Variants in SLC41A2 observed in about 807,000 individuals in gnomAD.
SLC41A2 encodes solute carrier family 41 member 2, also known as SLC41A1-like 1.
Under a neutral mutation model 58.3 loss-of-function variants are expected in SLC41A2, and 32 were observed. The ratio of observed to expected loss-of-function variants is 0.55; its 90% CI spans 0.41 to 0.74. The LOEUF (loss-of-function observed/expected upper bound fraction) is 0.74, where lower values mean the gene tolerates loss of function less well. Ranked by LOEUF, SLC41A2 falls within the 30% of genes least tolerant of loss-of-function variation. The pLI is 0.00. For synonymous variants in SLC41A2, 190 were observed against 235.0 expected, an observed-to-expected ratio of 0.81 and a Z score of 1.75; for missense variants, 514 against 680.6, an observed-to-expected ratio of 0.76 and a Z score of 2.72.
rs1458645240 is a variant in SLC41A2 at position 104,845,830 on chromosome 12, C to T, written c.1387+13G>A. ...CCTTGATCTAAAATATGCAAAAATC[C>T]ATAAGCACATACCTGGACCAAAGAA... On this transcript the variant is annotated intron_variant, in intron 9 of 10. Transcript: ENST00000258538. 1.9e-6 allele frequency: 3 copies of T among 1,595,390 alleles called. No individual in the cohort carries two copies. Among genetic ancestry groups the T allele is most frequent in the Non-Finnish European group, 2.6e-6 (3 of 1,169,208 alleles).
chr12:104,915,757 G>T (rs976829059), intron 2 of SLC41A2, among the ~76,000 whole-genome samples: 18 of 152,014 alleles, frequency 1.2e-4, no homozygotes, highest in African/African-American at 1.9e-4. Flanking sequence ...TGAATACCCT[G>T]TATTTCCTTC....
chr12:104,901,332 C>A (rs1196712642), intron 3 of SLC41A2, among the ~76,000 whole-genome samples: 2 of 151,892 alleles, frequency 1.3e-5, no homozygotes, highest in Admixed American at 6.6e-5. Flanking sequence ...GTACTTGATT[C>A]ATTTTCCAAT....
chr12:104,853,685 G>A (rs1289800250), intron 8 of SLC41A2, among the ~76,000 whole-genome samples: 1 of 151,194 alleles, frequency 6.6e-6, no homozygotes, highest in African/African-American at 2.4e-5. Flanking sequence ...CTTTACCATA[G>A]ATCATGCATT....
intron 6 of SLC41A2, among the ~76,000 whole-genome samples, chr12:104,869,375 C>T (rs2043642467): frequency 6.6e-6 from 1 of 151,980 alleles, no homozygotes; most frequent in Admixed American, 6.6e-5. Context: ...TCATTAAAGA[C>T]AAAGGATATA....
intron 3 of SLC41A2, among the ~76,000 whole-genome samples, chr12:104,906,423 C>T (rs1427607933): frequency 2.0e-5 from 3 of 152,180 alleles, no homozygotes; most frequent in Admixed American, 1.3e-4. Context: ...TGAGGTCTTT[C>T]AAAATGCAGT....
intron 1 of SLC41A2, among the ~76,000 whole-genome samples, chr12:104,934,759 C>T (rs1334909056): frequency 2.6e-5 from 4 of 152,052 alleles, no homozygotes; most frequent in South Asian, 4.1e-4. Context: ...GAGGACATTA[C>T]GCTAATTGAA....
chr12:104,845,810 A>T, intron 9 of SLC41A2, 33 bp downstream of exon 9: 1 of 1,583,356 alleles, frequency 6.3e-7, no homozygotes, highest in South Asian at 1.2e-5. Context: ...ATAGCCCTTG[A>T]TCTAAAATAT....
At chr12:104,854,588 G>A (rs764326970) in intron 8 of SLC41A2, among the ~76,000 whole-genome samples, 4 of 145,082 alleles carry the variant, frequency 2.8e-5, no homozygotes, top group African/African-American at 1.0e-4. Context: ...AAAAAACACC[G>A]CCTTAGATCA....
At chr12:104,870,549 A>G (rs906764070) in intron 6 of SLC41A2, among the ~76,000 whole-genome samples, 3 of 152,214 alleles carry the variant, frequency 2.0e-5, no homozygotes, top group Admixed American at 6.5e-5. Flanking sequence ...AGCCTAATAA[A>G]TGTCCATTAT....
chr12:104,809,096 A>C (rs1332656407), intron 10 of SLC41A2, among the ~76,000 whole-genome samples: 2 of 152,256 alleles, frequency 1.3e-5, no homozygotes, highest in Non-Finnish European at 2.9e-5. Flanking sequence ...AATGAACATT[A>C]AAATGGTACT....
chr12:104,837,547 G>A lies in SLC41A2; in HGVS notation c.1536+6925C>T, dbSNP rs76100226. Among the ~76,000 whole-genome samples, 1,315 of 152,258 alleles carry A rather than the reference G, an allele frequency of 8.6e-3. 36 individuals are homozygous for A. In the East Asian group the frequency reaches 0.12, roughly 14 times the overall value. On this transcript the variant is annotated intron_variant, in intron 10 of 10. Coordinates refer to ENST00000258538, the MANE Select transcript of SLC41A2 (RefSeq NM_001352171.3). ...ACATTTAACTGGAGATGTAGAACAGGAGTCCAGACTGGAGATATCAGTCTG... is the reference window on the plus strand; with the variant it reads ...ACATTTAACTGGAGATGTAGAACAGAAGTCCAGACTGGAGATATCAGTCTG...
rs1293388787 is a variant in SLC41A2, at chr12:104,804,840, CTA to C, written c.*310_*311del. 5.6e-6 allele frequency: 1 copy of C among 177,494 alleles called. No individual in the cohort carries two copies. The highest frequency in any genetic ancestry group is 2.4e-5 in the African/African-American group (1 of 42,232). 11.0% of individuals were successfully genotyped at this position (177,494 alleles called of 1,614,324 possible). On this transcript the variant is annotated 3_prime_UTR_variant, in exon 11 of 11. Coordinates refer to ENST00000258538, the MANE Select transcript of SLC41A2 (RefSeq NM_001352171.3). ...AATTTAATAATAAAGTACATTTCTGCTATGTTTGTGGTTTTAAAATTATTCAC... is the reference window on the plus strand; with the variant it reads ...AATTTAATAATAAAGTACATTTCTGCTGTTTGTGGTTTTAAAATTATTCAC...
chr12:104,934,248 AAAGAGTGCCAT>A (rs1485509237), intron 1 of SLC41A2, among the ~76,000 whole-genome samples: 1 of 152,232 alleles, frequency 6.6e-6, no homozygotes, highest in Non-Finnish European at 1.5e-5. Context: ...TACTGTGCTT[AAAGAGTGCCAT>A]TGGGATATTT....
chr12:104,951,451 T>G (rs1233765341), intron 1 of SLC41A2: 1 of 152,182 alleles, frequency 6.6e-6, no homozygotes, highest in Non-Finnish European at 1.5e-5. Context: ...AATCAAAAAT[T>G]TAGTAAGATA....
At chr12:104,839,704 C>T (rs189088758) in intron 10 of SLC41A2, among the ~76,000 whole-genome samples, 27 of 152,108 alleles carry the variant, frequency 1.8e-4, no homozygotes, top group Non-Finnish European at 3.2e-4. Context: ...GGTGTTTCAC[C>T]ATGTTGGTCA....
chr12:104,878,875 G>C (rs919736858), intron 6 of SLC41A2, among the ~76,000 whole-genome samples: 3 of 152,146 alleles, frequency 2.0e-5, no homozygotes, highest in Non-Finnish European at 2.9e-5. Context: ...CTAGATCCTT[G>C]AGGAATCGCC....
At position 104,926,928 on chromosome 12, in the gene SLC41A2, A is replaced by T. The variant is rs1046410190; in HGVS notation, c.555+1045T>A. The stretch of plus-strand genomic sequence containing the variant: ...CAGCAAGACCTTGTCTCTAAAAAAA[A>T]ATTTTTTTTAATTAGTGAGGTGTAG... On this transcript the variant is annotated intron_variant, in intron 2 of 10. Coordinates refer to ENST00000258538, the MANE Select transcript of SLC41A2 (RefSeq NM_001352171.3). 6.6e-5 allele frequency among the ~76,000 whole-genome samples: 10 copies of T among 151,960 alleles called. No homozygotes were observed. The South Asian group carries it at 8.3e-4, about 13-fold the overall frequency.
chr12:104,805,410 A>C, intron 10 of SLC41A2, 73 bp from the exon 11 acceptor site: 1 of 1,317,858 alleles, frequency 7.6e-7, no homozygotes, highest in Middle Eastern at 2.1e-4. Flanking sequence ...CACAAGCCTA[A>C]ACCACTGGCT....
intron 10 of SLC41A2, among the ~76,000 whole-genome samples, chr12:104,807,914 T>G (rs2040986672): frequency 6.6e-6 from 1 of 152,230 alleles, no homozygotes; most frequent in African/African-American, 2.4e-5. Context: ...CACATTGATT[T>G]TGTATCCTGA....
Sources: allele counts gnomAD v4.1 joint callset (sites outside exome capture counted in the v4.1 genomes callset), GRCh38; gene constraint gnomAD v4.1.1; transcripts MANE v1.5; gene names NCBI Gene and HGNC (gene_info 2026-07-23, HGNC 2026-07-21).